RBP5: variants seen among roughly 807,000 people sequenced by gnomAD.
RBP5 encodes retinol-binding protein 5.
A neutral mutation model predicts 17.8 loss-of-function variants in RBP5; 12 were observed. That is an observed-to-expected ratio of 0.67 (90% confidence interval 0.43 to 1.09). The LOEUF (loss-of-function observed/expected upper bound fraction) is 1.09, where lower values mean the gene tolerates loss of function less well. Ranked by LOEUF, RBP5 falls within the 50% of genes least tolerant of loss-of-function variation. RBP5 has a pLI of 0.00. For synonymous variants in RBP5, 64 were observed against 68.1 expected (o/e 0.94, Z 0.30); for missense variants, 172 against 169.4 (o/e 1.02, Z -0.09).
chr12:7,128,714 A>G lies in RBP5; in HGVS notation c.62T>C (p.Leu21Pro), dbSNP rs1371038167. 3.1e-6 allele frequency: 5 copies of G among 1,601,862 alleles called. No individual in the cohort carries two copies. Among genetic ancestry groups the G allele is most frequent in the Non-Finnish European group, 4.3e-6 (5 of 1,174,140 alleles). ...FVSQKNMEDY[L>P]QALNISLAVR... is the part of the protein sequence containing the mutation. Reference sequence around the variant, plus strand: ...GGCGAGGCCATTACTTAGGGCTTGCAGGTAGTCCTCCATGTTCTTCTGCGA... The same window carrying G: ...GGCGAGGCCATTACTTAGGGCTTGCGGGTAGTCCTCCATGTTCTTCTGCGA... The change falls in exon 1 of 4, where the codon CTG becomes CCG. Residue 21 changes from leucine to proline, a missense_variant. Coordinates refer to ENST00000266560, the MANE Select transcript of RBP5 (RefSeq NM_031491.4). This position sits in a 1 kb window ranked among gnomAD's most constrained non-coding sequence, Gnocchi z 5.3.
intron 2 of RBP5, chr12:7,127,674 G>C (rs1403916500): frequency 1.4e-6 from 1 of 702,386 alleles, no homozygotes; most frequent in South Asian, 1.5e-5. Flanking sequence ...CTGGAGCTCA[G>C]GAGATGGCTC....
chr12:7,123,022 C>A (rs1939102767), downstream of RBP5, among the ~76,000 whole-genome samples: 1 of 152,170 alleles, frequency 6.6e-6, no homozygotes, highest in African/African-American at 2.4e-5. Flanking sequence ...GGGCCAGGGA[C>A]TTTCCAACTC....
At position 7,123,819 on chromosome 12, in the gene RBP5, A is replaced by C; in HGVS notation, c.*302T>G. ...AGAAGGAAAAGAAGAGGTCAAATGG[A>C]CAGGAGAGAGCGGAGATTGGTTGTT... On this transcript the variant is annotated 3_prime_UTR_variant, in exon 4 of 4. Transcript: ENST00000266560. 5.4e-6 allele frequency: 2 copies of C among 367,730 alleles called. No homozygotes were observed. The highest frequency in any genetic ancestry group is 1.0e-5 in the Non-Finnish European group (2 of 199,554). 22.8% of individuals were successfully genotyped at this position (367,730 alleles called of 1,614,324 possible). A position where few individuals can be genotyped will look rare whatever the true frequency, so the allele number is the denominator to read the frequency against.
Position 7,124,141 on chromosome 12 carries a change from C to T in RBP5, c.388G>A (p.Val130Ile). Residue 130 changes from valine (V) to isoleucine (I), a missense_variant, in exon 4 of 4, where the codon GTC becomes ATC. Coordinates refer to ENST00000266560, the MANE Select transcript of RBP5 (RefSeq NM_031491.4). The surrounding 1 kb of genome is among the most constrained non-coding windows in gnomAD (Gnocchi z 5.3). ...TCCGGCTATCTGACCTTCCTGAAGA[C>T]CTGCTCGCACACTGCATCCCTTGCA... ...LTARDAVCEQ[V>I]FRKVR The T allele has an allele frequency of 6.2e-7, 1 of 1,614,056 alleles. No individual in the cohort carries two copies. Among genetic ancestry groups the T allele is most frequent in the South Asian group, 1.1e-5 (1 of 91,080 alleles).
chr12:7,127,903 G>T (rs899660299), intron 2 of RBP5, among the ~76,000 whole-genome samples: 1 of 152,252 alleles, frequency 6.6e-6, no homozygotes, highest in African/African-American at 2.4e-5. Context: ...GCAGGAGAGT[G>T]AAGTTATTGA....
rs184655342 is a variant in RBP5 at position 7,128,375 on chromosome 12, C to T, written c.117G>A (p.Pro39=). The T allele has an allele frequency of 5.3e-5, 86 of 1,614,192 alleles. No individual in the cohort carries two copies. The African/African-American group carries it at 6.3e-4, about 12-fold the overall frequency. The change falls in exon 2 of 4, where the codon CCG becomes CCA. Residue 39 remains proline, a synonymous_variant. Coordinates refer to ENST00000266560, the MANE Select transcript of RBP5 (RefSeq NM_031491.4). This position sits in a 1 kb window ranked among gnomAD's most constrained non-coding sequence, Gnocchi z 5.3. ...TGCCCTGGTGTTCGATCTCCTTGTCCGGCTTCAGCAGCAGCGCGATCTTCC... is the reference window on the plus strand; with the variant it reads ...TGCCCTGGTGTTCGATCTCCTTGTCTGGCTTCAGCAGCAGCGCGATCTTCC... ...AVRKIALLLK[P]DKEIEHQGNH...
exon 4 of RBP5, chr12:7,116,957 C>A (rs1485169705): frequency 1.3e-5 from 2 of 152,230 alleles, no homozygotes; most frequent in Non-Finnish European, 2.9e-5. Flanking sequence ...TACTATTTCA[C>A]ACAGTTTCTG....
At chr12:7,122,949 G>C (rs1465924397), downstream of RBP5, among the ~76,000 whole-genome samples, 3 of 152,030 alleles carry the variant, frequency 2.0e-5, no homozygotes, top group African/African-American at 7.2e-5. Flanking sequence ...CCTAGTGACT[G>C]TCTTGTGTGC....
At chr12:7,129,109 G>A, upstream of RBP5, 1 of 303,556 alleles carries the variant, frequency 3.3e-6, no homozygotes, top group Non-Finnish European at 6.5e-6. The surrounding 1 kb of genome is among the most constrained non-coding windows in gnomAD (Gnocchi z 5.5). Flanking sequence ...AGCAGGATCT[G>A]GGGCTGTCAG....
chr12:7,124,031 A>AG lies in RBP5; in HGVS notation c.*89dup. 1.6e-6 allele frequency: 2 copies of AG among 1,272,342 alleles called. No individual in the cohort carries two copies. 78.8% of individuals were successfully genotyped at this position (1,272,342 alleles called of 1,614,324 possible). ...AGGAAAGGTGGCCAGAGGAAGGGACAGCTGACCTGGCACAATCTGGGCTTG... is the reference window on the plus strand; with the variant it reads ...AGGAAAGGTGGCCAGAGGAAGGGACAGGCTGACCTGGCACAATCTGGGCTTG... On this transcript the variant is annotated 3_prime_UTR_variant, in exon 4 of 4. Coordinates refer to ENST00000266560, the MANE Select transcript of RBP5 (RefSeq NM_031491.4). The surrounding 1 kb of genome is among the most constrained non-coding windows in gnomAD (Gnocchi z 5.3).
chr12:7,129,823 G>A (rs1939243960), upstream of RBP5: 1 of 985,756 alleles, frequency 1.0e-6, no homozygotes, highest in South Asian at 4.7e-5. The surrounding 1 kb of genome is among the most constrained non-coding windows in gnomAD (Gnocchi z 5.5). Flanking sequence ...GGCCGGTCCC[G>A]ACAGGTGCGT....
At chr12:7,122,807 G>A (rs978154731), downstream of RBP5, among the ~76,000 whole-genome samples, 1 of 152,186 alleles carries the variant, frequency 6.6e-6, no homozygotes, top group African/African-American at 2.4e-5. Flanking sequence ...CTCTACTGTG[G>A]ACATCTGCAG....
At position 7,124,670 on chromosome 12, in the gene RBP5, G is replaced by C. The variant is rs762054624; in HGVS notation, c.313C>G (p.Arg105Gly). 3 of 1,592,876 alleles carry C rather than the reference G, an allele frequency of 1.9e-6. No individual in the cohort carries two copies. ...VCVQKGEVPN[R>G]GWRHWLEGEM... Reference sequence around the variant, plus strand: ...CCCTCCAGCCAGTGTCTCCAGCCCCGGTTGGGGACCTCCCCTTTCTGCACA... The same window carrying C: ...CCCTCCAGCCAGTGTCTCCAGCCCCCGTTGGGGACCTCCCCTTTCTGCACA... Residue 105 changes from arginine (R) to glycine (G), a missense_variant, in exon 3 of 4, where the codon CGG (arginine) becomes GGG (glycine). Arg to Gly is a moderately radical substitution (Grantham distance 125, BLOSUM62 -2). Coordinates refer to ENST00000266560, the MANE Select transcript of RBP5 (RefSeq NM_031491.4). This position sits in a 1 kb window ranked among gnomAD's most constrained non-coding sequence, Gnocchi z 5.3.
At chr12:7,116,679 C>G (rs1306406521) in exon 4 of RBP5, 1 of 152,180 alleles carries the variant, frequency 6.6e-6, no homozygotes, top group Non-Finnish European at 1.5e-5. Flanking sequence ...TCTCTAGACT[C>G]GTGGAAGGGT....
upstream of RBP5, chr12:7,129,845 G>A: frequency 1.0e-6 from 1 of 981,072 alleles, no homozygotes; most frequent in Non-Finnish European, 1.2e-6. This position sits in a 1 kb window ranked among gnomAD's most constrained non-coding sequence, Gnocchi z 5.5. Flanking sequence ...CGCGAGGGGT[G>A]CACGACGTCC....
chr12:7,119,673 AATC>A (rs1209868585), downstream of RBP5: 3 of 154,834 alleles, frequency 1.9e-5, no homozygotes, highest in Non-Finnish European at 4.4e-5. Context: ...AGAGAATTTC[AATC>A]ATCAGGTGAA....
intron 2 of RBP5, among the ~76,000 whole-genome samples, chr12:7,126,510 G>GGTGTGTGTGTGTGT (rs780320410): frequency 7.6e-6 from 1 of 131,024 alleles, no homozygotes; most frequent in African/African-American, 2.8e-5. Context: ...TGGTGGTGGT[G>GGTGTGTGTGTGTGT]GTGTGTGTGT....
At chr12:7,125,560 G>C (rs1388159726) in intron 2 of RBP5, among the ~76,000 whole-genome samples, 1 of 152,196 alleles carries the variant, frequency 6.6e-6, no homozygotes, top group African/African-American at 2.4e-5. Flanking sequence ...GTCTTGAAGA[G>C]ATAGAGGATC....
upstream of RBP5, chr12:7,129,733 A>C: frequency 1.0e-6 from 1 of 985,576 alleles, no homozygotes; most frequent in Non-Finnish European, 1.2e-6. This position sits in a 1 kb window ranked among gnomAD's most constrained non-coding sequence, Gnocchi z 5.5. Flanking sequence ...CCCGGGCTTC[A>C]GAATCCACTG....
Sources: gnomAD v4.1 joint callset for allele counts (sites outside exome capture counted in the v4.1 genomes callset) on GRCh38, gnomAD v4.1.1 for gene constraint, Gnocchi (gnomAD v3.1) non-coding constraint, MANE v1.5 for transcripts, NCBI Gene and HGNC (gene_info 2026-07-23, HGNC 2026-07-21) for gene names.